The following DMD variants were observed in gnomAD, a reference collection of about 807,000 sequenced individuals.
DMD encodes dystrophin, also known as mutant dystrophin.
Under a neutral mutation model 330.1 loss-of-function variants are expected in DMD, and 63 were observed. The ratio of observed to expected loss-of-function variants is 0.19; its 90% CI spans 0.16 to 0.24. The LOEUF (loss-of-function observed/expected upper bound fraction) is 0.24, where lower values mean the gene tolerates loss of function less well. Ranked by LOEUF, DMD falls within the 10% of genes least tolerant of loss-of-function variation. The pLI is 1.00. For synonymous variants in DMD, 1,223 were observed against 959.8 expected, an observed-to-expected ratio of 1.27 and a Z score of -5.07; for missense variants, 3,344 against 2,684.1, an observed-to-expected ratio of 1.25 and a Z score of -5.43.
Position 32,074,843 on chromosome X carries a change from G to T in DMD, c.6439-106329C>A, listed in dbSNP as rs373604083. ...AAGAGCTCAGTTACGGAAGTGGAAG[G>T]GGAAAAACAGCAGCAGCAGCAGCAA... On this transcript the variant is annotated intron_variant, in intron 44 of 78. Coordinates refer to ENST00000357033, the MANE Select transcript of DMD (RefSeq NM_004006.3). Among the ~76,000 whole-genome samples the T allele has an allele frequency of 4.1e-4, 43 of 104,831 alleles. 1 individual carries two copies. In the South Asian group the frequency reaches 0.018, roughly 44 times the overall value. 91.0% of individuals were successfully genotyped at this position (104,831 alleles called of 115,157 possible).
At position 31,507,206 on chromosome X, in the gene DMD, C is replaced by T. The variant is rs1291333026; in HGVS notation, c.8390+75G>A. The T allele has an allele frequency of 5.9e-6, 6 of 1,021,328 alleles. No individual in the cohort carries two copies. In the African/African-American group the frequency reaches 9.3e-5, roughly 16 times the overall value. 84.2% of individuals were successfully genotyped at this position (1,021,328 alleles called of 1,213,427 possible). On this transcript the variant is annotated intron_variant, in intron 56 of 78. Coordinates refer to ENST00000357033, the MANE Select transcript of DMD (RefSeq NM_004006.3). ...ACGTAGACATGTGAGATACCAGTTA[C>T]TTGTGCTAAGACAATGAGGAAAATT...
intron 7 of DMD, among the ~76,000 whole-genome samples, chrX:32,808,208 A>C (rs905746969): frequency 2.7e-5 from 3 of 111,924 alleles, no homozygotes; most frequent in Non-Finnish European, 3.8e-5. Context: ...AGCAATAAAA[A>C]GGGGTTACAG....
rs1426636403 is a variant in DMD at position 32,958,095 on chromosome X, T to C, written c.93+62044A>G. On this transcript the variant is annotated intron_variant, in intron 2 of 78. Transcript: ENST00000357033. ...ATATAAGCAATTATACTAATGTCAT[T>C]AGAAACATAGATTTTCAGCGTAAGA... Among the ~76,000 whole-genome samples the C allele has an allele frequency of 5.4e-5, 6 of 111,834 alleles. No homozygotes were observed. The South Asian group carries it at 1.8e-3, about 34-fold the overall frequency.
At chrX:31,397,905 TATG>T (rs2061015301) in intron 60 of DMD, among the ~76,000 whole-genome samples, 1 of 112,519 alleles carries the variant, frequency 8.9e-6, no homozygotes, top group African/African-American at 3.2e-5. Context: ...CAAGTTGCTT[TATG>T]ATGGCAGTGG....
intron 30 of DMD, among the ~76,000 whole-genome samples, chrX:32,392,193 A>C (rs2098007677): frequency 8.9e-6 from 1 of 111,908 alleles, no homozygotes; most frequent in Admixed American, 9.5e-5. Context: ...GTAGATGCAT[A>C]GGGAGTGAGG....
At chrX:33,258,216 G>A (rs1222159378) in intron 1 of DMD, among the ~76,000 whole-genome samples, 1 of 111,390 alleles carries the variant, frequency 9.0e-6, no homozygotes, top group Non-Finnish European at 1.9e-5. Context: ...TATTGTGGTA[G>A]TTTGAACTGT....
At chrX:33,143,415 ATAG>A (rs1339397316) in intron 1 of DMD, among the ~76,000 whole-genome samples, 1 of 111,371 alleles carries the variant, frequency 9.0e-6, no homozygotes, top group African/African-American at 3.3e-5. Flanking sequence ...GGTTAAATAG[ATAG>A]TATAAGGTCA....
At chrX:32,531,461 A>G (rs918549124) in intron 17 of DMD, among the ~76,000 whole-genome samples, 2 of 112,080 alleles carry the variant, frequency 1.8e-5, no homozygotes, top group Non-Finnish European at 3.8e-5. Context: ...GTTTTTTAAA[A>G]TGCCAAACTT....
At chrX:31,622,783 C>A (rs2078607343) in intron 55 of DMD, among the ~76,000 whole-genome samples, 1 of 105,251 alleles carries the variant, frequency 9.5e-6, no homozygotes, top group Admixed American at 1.1e-4. Flanking sequence ...AGACCTAACA[C>A]CACGACACAT....
At chrX:31,529,692 ACT>A (rs1034323078) in intron 55 of DMD, among the ~76,000 whole-genome samples, 3 of 112,137 alleles carry the variant, frequency 2.7e-5, no homozygotes, top group Non-Finnish European at 5.6e-5. Flanking sequence ...GGTTCACACC[ACT>A]GTTTGTGCAC....
chrX:33,169,345 A>G (rs1328975666), intron 1 of DMD, among the ~76,000 whole-genome samples: 1 of 111,717 alleles, frequency 9.0e-6, no homozygotes, highest in Non-Finnish European at 1.9e-5. Context: ...TTCTCTTCTG[A>G]ATCTAGCCTA....
At chrX:32,643,542 T>G (rs2059603931) in intron 11 of DMD, among the ~76,000 whole-genome samples, 1 of 111,426 alleles carries the variant, frequency 9.0e-6, no homozygotes, top group Non-Finnish European at 1.9e-5. Flanking sequence ...TCCAGAATGA[T>G]GAGATCTGCT....
At chrX:32,420,069 A>C (rs2098183496) in intron 29 of DMD, among the ~76,000 whole-genome samples, 1 of 111,819 alleles carries the variant, frequency 8.9e-6, no homozygotes, top group African/African-American at 3.2e-5. Context: ...ACATAAAATA[A>C]GTCTACAGGA....
chrX:32,689,885 C>G (rs1278853261), intron 9 of DMD, among the ~76,000 whole-genome samples: 3 of 110,266 alleles, frequency 2.7e-5, no homozygotes, highest in Non-Finnish European at 5.7e-5. Flanking sequence ...TCTCAACAAA[C>G]TAGGAATAGA....
At chrX:32,479,059 GT>G (rs1256727136) in intron 21 of DMD, among the ~76,000 whole-genome samples, 1 of 111,090 alleles carries the variant, frequency 9.0e-6, no homozygotes, top group African/African-American at 3.3e-5. Context: ...GAATTTAAGA[GT>G]TTTTTTCTTT....
intron 45 of DMD, among the ~76,000 whole-genome samples, chrX:31,965,248 G>A (rs994192703): frequency 9.0e-6 from 1 of 111,366 alleles, no homozygotes; most frequent in Non-Finnish European, 1.9e-5. Flanking sequence ...AAATTAGGAT[G>A]AGATTCTGGG....
At chrX:32,933,806 CT>C (rs1395363638) in intron 2 of DMD, among the ~76,000 whole-genome samples, 3 of 111,773 alleles carry the variant, frequency 2.7e-5, no homozygotes, top group African/African-American at 9.8e-5. Context: ...TAAATACCCC[CT>C]GGTCCTAAAG....
In DMD at chrX:33,009,386, GTATATATGTGTGTATATGTGTATA is replaced by G. The variant is rs2093546883; in HGVS notation, c.93+10729_93+10752del. On this transcript the variant is annotated intron_variant, in intron 2 of 78. Transcript: ENST00000357033. ...TATGTGTATATGTGTATATACACGT[GTATATATGTGTGTATATGTGTATA>G]TACACATGTGTGTATATGTATGTGT... Among the ~76,000 whole-genome samples, 2 of 78,444 alleles carry G rather than the reference GTATATATGTGTGTATATGTGTATA, an allele frequency of 2.5e-5. 1 individual carries two copies. The highest frequency in any genetic ancestry group is 2.8e-4 in the Admixed American group (2 of 7,177). 68.1% of individuals were successfully genotyped at this position (78,444 alleles called of 115,157 possible).
At chrX:31,234,549 T>C (rs763815194) in intron 63 of DMD, among the ~76,000 whole-genome samples, 1 of 112,489 alleles carries the variant, frequency 8.9e-6, no homozygotes, top group African/African-American at 3.2e-5. Context: ...AAATCATCAG[T>C]TGACGCTTAC....
Sources: allele counts gnomAD v4.1 joint callset (sites outside exome capture counted in the v4.1 genomes callset), GRCh38; gene constraint gnomAD v4.1.1; transcripts MANE v1.5; gene names NCBI Gene and HGNC (gene_info 2026-07-23, HGNC 2026-07-21).